ZNF570: variants seen among roughly 807,000 people sequenced by gnomAD.
ZNF570 encodes the protein zinc finger protein 570.
In ZNF570, 8 loss-of-function variants were observed where a neutral mutation model predicts 14.2. The observed-to-expected ratio is 0.56, with a 90% CI of 0.33 to 1.02. The LOEUF (loss-of-function observed/expected upper bound fraction) is 1.02. Ranked by LOEUF, ZNF570 falls within the 50% of genes least tolerant of loss-of-function variation. The probability of loss-of-function intolerance (pLI) is 0.03; values close to 1 mark genes in which losing one functional copy is unlikely to be tolerated. For synonymous variants in ZNF570, 202 were observed against 207.6 expected (o/e 0.97, Z 0.23); for missense variants, 559 against 624.9 (o/e 0.89, Z 1.12).
chr19:37,477,787 G>T (rs911144295), intron 4 of ZNF570, among the ~76,000 whole-genome samples: 38 of 152,124 alleles, frequency 2.5e-4, no homozygotes, highest in African/African-American at 8.9e-4. Flanking sequence ...TTTTAAATAA[G>T]AATTTAATTT....
At chr19:37,468,473 G>A (rs2146995315), upstream of ZNF570, among the ~76,000 whole-genome samples, 1 of 151,704 alleles carries the variant, frequency 6.6e-6, no homozygotes, top group East Asian at 2.0e-4. Context: ...CAAAGCGCAC[G>A]GATCATTTGA....
rs2042171352 is a variant in ZNF570 at position 37,487,717 on chromosome 19, T to A, written c.*2484T>A. On this transcript the variant is annotated 3_prime_UTR_variant, in exon 5 of 5. Coordinates refer to ENST00000330173, the MANE Select transcript of ZNF570 (RefSeq NM_144694.5). ...TCAGTGGTTTTTTTTGTTTGTTGTTTTTGTTTTTGTTTTGCCCTTTAGCTT... is the reference window on the plus strand; with the variant it reads ...TCAGTGGTTTTTTTTGTTTGTTGTTATTGTTTTTGTTTTGCCCTTTAGCTT... The A allele has an allele frequency of 6.6e-6, 1 of 152,200 alleles. No homozygotes were observed. The allele number at this position is 152,200 out of a possible 1,614,324, so 9.4% of individuals were successfully genotyped here. A position where few individuals can be genotyped will look rare whatever the true frequency, so the allele number is the denominator to read the frequency against.
intron 2 of ZNF570, among the ~76,000 whole-genome samples, chr19:37,473,050 A>G (rs1313750475): frequency 2.6e-5 from 4 of 151,970 alleles, no homozygotes; most frequent in African/African-American, 9.7e-5. Context: ...TGTGGGAATT[A>G]TCTTTCAATG....
chr19:37,480,706 A>C (rs2042077259), intron 4 of ZNF570, among the ~76,000 whole-genome samples: 1 of 152,016 alleles, frequency 6.6e-6, no homozygotes, highest in African/African-American at 2.4e-5. Context: ...TAATCCCAGC[A>C]CTTTGGGAGG....
intron 1 of ZNF570, 90 bp downstream of exon 1, chr19:37,469,647 T>A (rs2041920219): frequency 7.7e-7 from 1 of 1,298,168 alleles, no homozygotes; most frequent in Non-Finnish European, 1.1e-6. Context: ...CACCGTGGAA[T>A]GTGAGGCTGT....
Position 37,483,930 on chromosome 19 carries a change from A to G in ZNF570, c.308A>G (p.Tyr103Cys), listed in dbSNP as rs1408573340. 2 of 1,613,288 alleles carry G rather than the reference A, an allele frequency of 1.2e-6. No individual in the cohort carries two copies. The highest frequency in any genetic ancestry group is 1.7e-6 in the Non-Finnish European group (2 of 1,179,810). ...GAATTAACCCCAAAGCAGGATTTTT[A>G]TGAAGAACATCAATCCCAGAAGATA... ...TEELTPKQDF[Y>C]EEHQSQKIIE... The change falls in exon 5 of 5, where the codon TAT (tyrosine) becomes TGT (cysteine). Residue 103 changes from tyrosine (Y) to cysteine (C), a missense_variant. Coordinates refer to ENST00000330173, the MANE Select transcript of ZNF570 (RefSeq NM_144694.5).
chr19:37,469,330 C>T (rs1033213923), upstream of ZNF570: 103 of 1,416,840 alleles, frequency 7.3e-5, 1 homozygote, highest in Non-Finnish European at 9.2e-5. Flanking sequence ...CCCTTTGTGT[C>T]CTCCGGGGGC....
At chr19:37,482,815 T>TTCTCTCTCTC (rs35690455) in intron 4 of ZNF570, among the ~76,000 whole-genome samples, 1 of 141,624 alleles carries the variant, frequency 7.1e-6, no homozygotes, top group Non-Finnish European at 1.5e-5. Context: ...TTCCCCTGCT[T>TTCTCTCTCTC]TCTCTCTCTC....
chr19:37,483,089 G>A (rs1481990474), intron 4 of ZNF570, among the ~76,000 whole-genome samples: 1 of 152,012 alleles, frequency 6.6e-6, no homozygotes, highest in African/African-American at 2.4e-5. Flanking sequence ...TCTTTAGAAG[G>A]CCGGTGAAGC....
At chr19:37,475,174 G>A (rs1286453267) in intron 2 of ZNF570, among the ~76,000 whole-genome samples, 1 of 152,018 alleles carries the variant, frequency 6.6e-6, no homozygotes, top group East Asian at 1.9e-4. Context: ...ATGTTGGCCA[G>A]GCTGGTCTCA....
rs766813735 is a variant in ZNF570, at chr19:37,470,292, T to A, written c.-51-12T>A. Reference sequence around the variant, plus strand: ...AAAAGTCTAGTTTCTCATGTTCTTTTCCCCATCTCAGTCATCTGAGGCCAC... The same window carrying A: ...AAAAGTCTAGTTTCTCATGTTCTTTACCCCATCTCAGTCATCTGAGGCCAC... On this transcript the variant is annotated splice_polypyrimidine_tract_variant and intron_variant, in intron 1 of 4. Transcript: ENST00000330173. 6.2e-7 allele frequency: 1 copy of A among 1,613,264 alleles called. No homozygotes were observed. Among genetic ancestry groups the A allele is most frequent in the Non-Finnish European group, 8.5e-7 (1 of 1,179,450 alleles).
At chr19:37,474,116 G>A (rs1600379117) in intron 2 of ZNF570, among the ~76,000 whole-genome samples, 1 of 152,154 alleles carries the variant, frequency 6.6e-6, no homozygotes, top group East Asian at 1.9e-4. Context: ...AGGAAAAAGT[G>A]GGAACTGTAG....
chr19:37,485,022 A>G lies in ZNF570; in HGVS notation c.1400A>G (p.Glu467Gly). 6.2e-7 allele frequency: 1 copy of G among 1,614,120 alleles called. No homozygotes were observed. Among genetic ancestry groups the G allele is most frequent in the Non-Finnish European group, 8.5e-7 (1 of 1,180,018 alleles). ...CAACATCAGCGAGTTCATACTGGAGAGAAACCTTATGAATGTACTGTTTGT... is the reference window on the plus strand; with the variant it reads ...CAACATCAGCGAGTTCATACTGGAGGGAAACCTTATGAATGTACTGTTTGT... ...LTQHQRVHTGEKPYECTVCGK... is the reference protein window; with the variant it reads ...LTQHQRVHTGGKPYECTVCGK... The change falls in exon 5 of 5, where the codon GAG becomes GGG. Residue 467 changes from glutamate (E) to glycine (G), a missense_variant. Glu to Gly is a moderately conservative substitution (Grantham distance 98). Coordinates refer to ENST00000330173, the MANE Select transcript of ZNF570 (RefSeq NM_144694.5).
intron 2 of ZNF570, among the ~76,000 whole-genome samples, chr19:37,471,914 A>ATTTT (rs34142052): frequency 7.5e-6 from 1 of 133,514 alleles, no homozygotes; most frequent in African/African-American, 2.8e-5. Flanking sequence ...TCAGACTACT[A>ATTTT]TTTTTTTTTT....
chr19:37,472,841 T>C (rs2041984182), intron 2 of ZNF570, among the ~76,000 whole-genome samples: 1 of 151,766 alleles, frequency 6.6e-6, no homozygotes, highest in Non-Finnish European at 1.5e-5. Flanking sequence ...GTTGGCAGGC[T>C]GATGTTAAAG....
intron 4 of ZNF570, among the ~76,000 whole-genome samples, chr19:37,479,844 A>G (rs1467339253): frequency 2.0e-5 from 3 of 151,586 alleles, no homozygotes; most frequent in African/African-American, 4.9e-5. Flanking sequence ...GTTTTTTCCT[A>G]CTCCTTTATT....
At position 37,487,353 on chromosome 19, in the gene ZNF570, A is replaced by G. The variant is rs1275650442; in HGVS notation, c.*2120A>G. The G allele has an allele frequency of 1.4e-5, 2 of 146,468 alleles. No individual in the cohort carries two copies. The highest frequency in any genetic ancestry group is 1.5e-5 in the Non-Finnish European group (1 of 67,586). The allele number at this position is 146,468 out of a possible 1,614,324, so 9.1% of individuals were successfully genotyped here. On this transcript the variant is annotated 3_prime_UTR_variant, in exon 5 of 5. Transcript: ENST00000330173. Reference sequence around the variant, plus strand: ...TCCAGTGGTTGCAAAATTGAAATCAAAAGGGGATTAAGGGAAGAAAACAGA... The same window carrying G: ...TCCAGTGGTTGCAAAATTGAAATCAGAAGGGGATTAAGGGAAGAAAACAGA...
In ZNF570 at chr19:37,484,620, T is replaced by C; in HGVS notation, c.998T>C (p.Ile333Thr). 6.2e-7 allele frequency: 1 copy of C among 1,613,032 alleles called. No individual in the cohort carries two copies. Among genetic ancestry groups the C allele is most frequent in the Non-Finnish European group, 8.5e-7 (1 of 1,179,722 alleles). Residue 333 changes from isoleucine (I) to threonine (T), a missense_variant, in exon 5 of 5, where the codon ATC becomes ACC. Transcript: ENST00000330173. ...ACGGGAGAGAAACCCTATGAATGTA[T>C]CGAATGTGGGAAAGCATTTAGCAAC... The part of the protein sequence containing the change: ...VHTGEKPYEC[I>T]ECGKAFSNRS...
At chr19:37,472,169 G>A (rs778764941) in intron 2 of ZNF570, among the ~76,000 whole-genome samples, 3 of 151,906 alleles carry the variant, frequency 2.0e-5, no homozygotes, top group Non-Finnish European at 2.9e-5. Context: ...CCTACCAAAG[G>A]CTGGGATTAC....
Sources: gnomAD v4.1 joint callset for allele counts (sites outside exome capture counted in the v4.1 genomes callset) on GRCh38, gnomAD v4.1.1 for gene constraint, MANE v1.5 for transcripts, NCBI Gene and HGNC (gene_info 2026-07-23, HGNC 2026-07-21) for gene names.